The following DHRSX variants were observed in gnomAD, a reference collection of about 807,000 sequenced individuals.
The protein encoded by DHRSX is dehydrogenase/reductase X-linked, also known as polyprenol dehydrogenase.
In DHRSX, 31 loss-of-function variants were observed where a neutral mutation model predicts 34.0. The observed-to-expected ratio is 0.91, with a 90% confidence interval of 0.69 to 1.23. DHRSX has a LOEUF of 1.23. Among genes scored for constraint, DHRSX ranks in the 50% most tolerant of loss-of-function variants. The pLI is 0.00. For missense variants in DHRSX, 414 were observed against 428.1 expected, an observed-to-expected ratio of 0.97 and a Z score of 0.29; for synonymous variants, 201 against 183.8, an observed-to-expected ratio of 1.09 and a Z score of -0.76.
chrX:2,325,717 G>C (rs1472914412), intron 3 of DHRSX, among the ~76,000 whole-genome samples: 4 of 152,164 alleles, frequency 2.6e-5, no homozygotes, highest in Non-Finnish European at 5.9e-5. Context: ...TGCCATGCTT[G>C]ATGGAACCAA....
At chrX:2,489,868 G>A (rs138493635) in intron 1 of DHRSX, 18 of 1,613,806 alleles carry the variant, frequency 1.1e-5, no homozygotes, top group Middle Eastern at 1.7e-4. Context: ...TGTGCACTGC[G>A]ACGTCCAGCA....
chrX:2,352,763 C>A (rs1015890492), intron 3 of DHRSX, among the ~76,000 whole-genome samples: 2 of 152,052 alleles, frequency 1.3e-5, no homozygotes, highest in Non-Finnish European at 2.9e-5. Flanking sequence ...GCTCCTACAG[C>A]AAATAAAACA....
intron 6 of DHRSX, among the ~76,000 whole-genome samples, chrX:2,240,809 T>C (rs778401151): frequency 6.6e-6 from 1 of 152,282 alleles, no homozygotes; most frequent in South Asian, 2.1e-4. Context: ...AAACAAATTA[T>C]TAAAACTTTA....
intron 5 of DHRSX, among the ~76,000 whole-genome samples, chrX:2,244,256 T>C (rs1444091810): frequency 6.6e-6 from 1 of 151,956 alleles, no homozygotes; most frequent in Non-Finnish European, 1.5e-5. Flanking sequence ...TCACAGGACA[T>C]AGTGATAAAA....
intron 4 of DHRSX, among the ~76,000 whole-genome samples, chrX:2,267,537 C>A (rs2041491473): frequency 7.9e-6 from 1 of 127,046 alleles, no homozygotes; most frequent in South Asian, 2.5e-4. Flanking sequence ...GAGCGAGACT[C>A]CATCTCAAAA....
chrX:2,380,142 G>A (rs1204466331), intron 3 of DHRSX, among the ~76,000 whole-genome samples: 1 of 151,556 alleles, frequency 6.6e-6, no homozygotes, highest in Non-Finnish European at 1.5e-5. Flanking sequence ...TAAAAATACA[G>A]AGCTTAGCTG....
chrX:2,441,193 C>T (rs1212022265), intron 1 of DHRSX, among the ~76,000 whole-genome samples: 1 of 152,150 alleles, frequency 6.6e-6, no homozygotes, highest in African/African-American at 2.4e-5. Flanking sequence ...ACAAAGACAT[C>T]CAAGGAGCAG....
At chrX:2,403,162 G>A (rs1356619067) in intron 3 of DHRSX, among the ~76,000 whole-genome samples, 2 of 152,110 alleles carry the variant, frequency 1.3e-5, no homozygotes, top group South Asian at 4.2e-4. Flanking sequence ...GGATTCAGGG[G>A]TGAGCCACCA....
intron 3 of DHRSX, among the ~76,000 whole-genome samples, chrX:2,359,667 G>T (rs34316612): frequency 6.6e-6 from 1 of 151,520 alleles, no homozygotes; most frequent in African/African-American, 2.4e-5. Context: ...GTGACACAGC[G>T]AGACTCCATA....
chrX:2,449,402 G>A (rs1358930478), intron 1 of DHRSX, among the ~76,000 whole-genome samples: 1 of 152,148 alleles, frequency 6.6e-6, no homozygotes, highest in African/African-American at 2.4e-5. Flanking sequence ...CACTGAGACA[G>A]CTCCCCATAG....
chrX:2,226,253 C>A (rs1251845247), intron 6 of DHRSX, among the ~76,000 whole-genome samples: 1 of 152,148 alleles, frequency 6.6e-6, no homozygotes, highest in East Asian at 1.9e-4. Flanking sequence ...CCCACACTTA[C>A]CTGCTACCTC....
intron 4 of DHRSX, among the ~76,000 whole-genome samples, chrX:2,276,132 G>A (rs2041638104): frequency 6.6e-6 from 1 of 152,200 alleles, no homozygotes; most frequent in Non-Finnish European, 1.5e-5. Context: ...GTGGGCCATC[G>A]CGCCCGGCCT....
intron 3 of DHRSX, among the ~76,000 whole-genome samples, chrX:2,407,223 G>C (rs2043567239): frequency 6.6e-6 from 1 of 152,162 alleles, no homozygotes; most frequent in African/African-American, 2.4e-5. Flanking sequence ...CCGACTCGCA[G>C]ACTTTGGCTG....
At chrX:2,408,850 T>C (rs1207499587) in intron 2 of DHRSX, 37 bp from the exon 3 acceptor site, 2 of 1,550,778 alleles carry the variant, frequency 1.3e-6, no homozygotes, top group Admixed American at 1.9e-5. Context: ...CGGTGACTTG[T>C]AGGATTATCC....
chrX:2,461,795 G>A (rs971828313), intron 1 of DHRSX, among the ~76,000 whole-genome samples: 3 of 152,072 alleles, frequency 2.0e-5, no homozygotes, highest in East Asian at 1.9e-4. Context: ...CAACTCCCAC[G>A]CTCAAGTGAT....
intron 3 of DHRSX, among the ~76,000 whole-genome samples, chrX:2,340,643 C>T (rs2042629584): frequency 6.6e-6 from 1 of 152,092 alleles, no homozygotes; most frequent in Non-Finnish European, 1.5e-5. Context: ...CCCCGCCAGA[C>T]ACCCGCCATT....
intron 1 of DHRSX, among the ~76,000 whole-genome samples, chrX:2,458,780 A>C (rs1311261858): frequency 6.6e-6 from 1 of 152,018 alleles, no homozygotes; most frequent in African/African-American, 2.4e-5. Context: ...GGAGGATCAC[A>C]GAAGGCCAGG....
intron 1 of DHRSX, among the ~76,000 whole-genome samples, chrX:2,433,899 C>A (rs1267468462): frequency 3.3e-5 from 5 of 152,136 alleles, no homozygotes; most frequent in Non-Finnish European, 5.9e-5. Flanking sequence ...CTCAGCCTCC[C>A]GAGTAGCTGG....
chrX:2,394,886 T>G lies in DHRSX; in HGVS notation c.286+13859A>C, dbSNP rs531772680. Reference sequence around the variant, plus strand: ...GTCTCATGAAAAAAAAAAAAAAGAGTTGGAGTTGGAGTTCCAGGTAGTGAT... The same window carrying G: ...GTCTCATGAAAAAAAAAAAAAAGAGGTGGAGTTGGAGTTCCAGGTAGTGAT... On this transcript the variant is annotated intron_variant, in intron 3 of 6. Coordinates refer to ENST00000334651, the MANE Select transcript of DHRSX (RefSeq NM_145177.3). Among the ~76,000 whole-genome samples the G allele has an allele frequency of 1.3e-3, 186 of 143,522 alleles. 4 individuals carry two copies. In the South Asian group the frequency reaches 0.024, roughly 19 times the overall value. The allele number at this position is 143,522 out of a possible 152,430, so 94.2% of individuals were successfully genotyped here. A position where few individuals can be genotyped will look rare whatever the true frequency, so the allele number is the denominator to read the frequency against.
Sources: gnomAD v4.1 joint callset for allele counts (sites outside exome capture counted in the v4.1 genomes callset) on GRCh38, gnomAD v4.1.1 for gene constraint, MANE v1.5 for transcripts, NCBI Gene and HGNC (gene_info 2026-07-23, HGNC 2026-07-21) for gene names.